Variants in TSHZ3 observed in about 807,000 individuals in gnomAD.
The protein encoded by TSHZ3 is teashirt homolog 3.
TSHZ3 carries 10 observed loss-of-function variants against 64.5 expected under a neutral mutation model. The observed-to-expected ratio is 0.16, with a 90% CI of 0.10 to 0.26. TSHZ3 has a LOEUF of 0.26. Among genes scored for constraint, TSHZ3 ranks in the 10% least tolerant of loss-of-function variants. The pLI is 1.00. For synonymous variants in TSHZ3, 608 were observed against 593.1 expected (o/e 1.03, Z -0.36); for missense variants, 1,242 against 1,421.7 (o/e 0.87, Z 2.03).
chr19:31,345,697 TC>T (rs1917571308), intron 1 of TSHZ3, among the ~76,000 whole-genome samples: 1 of 152,122 alleles, frequency 6.6e-6, no homozygotes, highest in African/African-American at 2.4e-5. Context: ...GGTTTTTTTT[TC>T]TTTTGGAAGC....
At chr19:31,308,053 G>A (rs748244502) in intron 1 of TSHZ3, among the ~76,000 whole-genome samples, 11 of 152,180 alleles carry the variant, frequency 7.2e-5, no homozygotes, top group African/African-American at 1.7e-4. Context: ...TAGCTCTCAC[G>A]CAACTGTTTA....
At chr19:31,198,529 G>C (rs1449318076) in intron 5 of TSHZ3, among the ~76,000 whole-genome samples, 1 of 151,942 alleles carries the variant, frequency 6.6e-6, no homozygotes, top group African/African-American at 2.4e-5. Context: ...TGCCTATCTA[G>C]AAAATAAAAA....
chr19:31,244,068 C>G (rs535524187), intron 1 of TSHZ3, among the ~76,000 whole-genome samples: 4 of 152,232 alleles, frequency 2.6e-5, no homozygotes, highest in African/African-American at 9.6e-5. Context: ...TAAATATTTG[C>G]ATTCAGGGAT....
At chr19:31,198,393 C>G (rs1196375182) in intron 5 of TSHZ3, among the ~76,000 whole-genome samples, 1 of 151,970 alleles carries the variant, frequency 6.6e-6, no homozygotes, top group Non-Finnish European at 1.5e-5. Context: ...AAGAATGTTG[C>G]CTCTCACCAT....
intron 1 of TSHZ3, among the ~76,000 whole-genome samples, chr19:31,263,879 C>A (rs1321754689): frequency 6.6e-6 from 1 of 152,144 alleles, no homozygotes; most frequent in Non-Finnish European, 1.5e-5. Context: ...CACCAGAGCT[C>A]TAGTCTCCAT....
chr19:31,321,451 T>C (rs1916769067), intron 1 of TSHZ3, among the ~76,000 whole-genome samples: 1 of 152,232 alleles, frequency 6.6e-6, no homozygotes, highest in African/African-American at 2.4e-5. Flanking sequence ...ACTGCCCACC[T>C]AGCAAGTGCA....
At chr19:31,339,544 C>T (rs1180550589) in intron 1 of TSHZ3, among the ~76,000 whole-genome samples, 2 of 152,158 alleles carry the variant, frequency 1.3e-5, no homozygotes, top group Non-Finnish European at 2.9e-5. Context: ...CTCCCCTCCC[C>T]GTAGTCTGGC....
intron 5 of TSHZ3, among the ~76,000 whole-genome samples, chr19:31,178,958 A>C (rs1317353100): frequency 6.6e-6 from 1 of 152,084 alleles, no homozygotes; most frequent in Non-Finnish European, 1.5e-5. Context: ...ATGGTGGTGG[A>C]AATCAGGAAA....
intron 4 of TSHZ3, among the ~76,000 whole-genome samples, chr19:31,207,343 T>A (rs1287769832): frequency 6.6e-6 from 1 of 152,234 alleles, no homozygotes; most frequent in African/African-American, 2.4e-5. Context: ...TTTGAGCAAT[T>A]TTATTGCTAT....
chr19:31,278,053 A>G lies in TSHZ3; in HGVS notation c.1740T>C (p.Ser580=). 1 of 1,613,516 alleles carries G rather than the reference A, an allele frequency of 6.2e-7. No individual in the cohort carries two copies. Among genetic ancestry groups the G allele is most frequent in the Non-Finnish European group, 8.5e-7 (1 of 1,179,568 alleles). The change falls in exon 2 of 2, where the codon AGT becomes AGC. Residue 580 remains serine (S), a synonymous_variant. Transcript: ENST00000240587. This position sits in a 1 kb window ranked among gnomAD's most constrained non-coding sequence, Gnocchi z 4.7. ...GGTTTTTCGTCGGGGAGACAATCTC[A>G]CTGTTGCCAAACATGGGTTTCAGGG... ...STPLKPMFGN[S]EIVSPTKNQT... is the part of the protein sequence containing the mutation.
intron 5 of TSHZ3, among the ~76,000 whole-genome samples, chr19:31,175,530 T>C (rs1470958894): frequency 1.3e-5 from 2 of 152,186 alleles, no homozygotes; most frequent in Admixed American, 1.3e-4. Context: ...GAGGTTCTGG[T>C]AGAGTTGAGC....
rs189491481 is a variant in TSHZ3, at chr19:31,324,448, C to T, written c.40+24732G>A. 6.9e-4 allele frequency among the ~76,000 whole-genome samples: 105 copies of T among 152,322 alleles called. 1 individual carries two copies. Among genetic ancestry groups the T allele is most frequent in the Non-Finnish European group, 4.3e-4 (29 of 68,030 alleles). On this transcript the variant is annotated intron_variant, in intron 1 of 1. Coordinates refer to ENST00000240587, the MANE Select transcript of TSHZ3 (RefSeq NM_020856.4). Reference sequence around the variant, plus strand: ...TGATTTCTTTGATATCAACATAACACGATGAAGGCTTCAAATTCAGACACA... The same window carrying T: ...TGATTTCTTTGATATCAACATAACATGATGAAGGCTTCAAATTCAGACACA...
At chr19:31,258,401 C>T (rs1474730518) in intron 1 of TSHZ3, among the ~76,000 whole-genome samples, 1 of 152,172 alleles carries the variant, frequency 6.6e-6, no homozygotes, top group Non-Finnish European at 1.5e-5. Context: ...TCTTGATGGC[C>T]AGGAGAGGCC....
intron 1 of TSHZ3, among the ~76,000 whole-genome samples, chr19:31,246,532 G>A: frequency 6.6e-6 from 1 of 152,086 alleles, no homozygotes; most frequent in Non-Finnish European, 1.5e-5. Context: ...AGGGGAGGAG[G>A]AGACAGAATA....
At chr19:31,149,991 T>C (rs1974218254) in exon 7 of TSHZ3, among the ~76,000 whole-genome samples, 1 of 152,214 alleles carries the variant, frequency 6.6e-6, no homozygotes, top group Admixed American at 6.5e-5. Flanking sequence ...TATAATATGT[T>C]AATTATGTAT....
chr19:31,346,541 G>A (rs1280032348), intron 1 of TSHZ3, among the ~76,000 whole-genome samples: 2 of 152,112 alleles, frequency 1.3e-5, no homozygotes, highest in Non-Finnish European at 2.9e-5. Flanking sequence ...ATGGCTGAGC[G>A]GACCTTTCAG....
intron 4 of TSHZ3, among the ~76,000 whole-genome samples, chr19:31,225,659 C>T (rs1364107013): frequency 6.6e-6 from 1 of 152,206 alleles, no homozygotes; most frequent in African/African-American, 2.4e-5. Flanking sequence ...GTTCGCCCTT[C>T]TCCTTCCTGA....
intron 1 of TSHZ3, among the ~76,000 whole-genome samples, chr19:31,309,833 T>G (rs975333618): frequency 6.6e-6 from 1 of 152,152 alleles, no homozygotes; most frequent in African/African-American, 2.4e-5. Flanking sequence ...TCCCTCTCCA[T>G]GTTCCCATCC....
chr19:31,154,627 G>T (rs1006706138), intron 6 of TSHZ3, among the ~76,000 whole-genome samples: 5 of 152,298 alleles, frequency 3.3e-5, no homozygotes, highest in Admixed American at 1.3e-4. Flanking sequence ...ATGTTAACAG[G>T]CCCCAATCTC....
Sources: gnomAD v4.1 joint callset for allele counts (sites outside exome capture counted in the v4.1 genomes callset) on GRCh38, gnomAD v4.1.1 for gene constraint, Gnocchi (gnomAD v3.1) non-coding constraint, MANE v1.5 for transcripts, NCBI Gene and HGNC (gene_info 2026-07-23, HGNC 2026-07-21) for gene names.